Variants in WDR86 observed in about 807,000 individuals in gnomAD.
WDR86 encodes WD repeat-containing protein 86.
A neutral mutation model predicts 36.5 loss-of-function variants in WDR86; 30 were observed. The observed-to-expected ratio is 0.82, with a 90% CI of 0.61 to 1.11. The LOEUF is 1.11. Ranked by LOEUF, WDR86 falls within the 50% of genes most tolerant of loss-of-function variation. WDR86 has a pLI of 0.00. For synonymous variants in WDR86, 255 were observed against 252.9 expected (o/e 1.01, Z -0.08); for missense variants, 545 against 561.2 (o/e 0.97, Z 0.29).
rs1028727115 is a variant in WDR86 at position 151,409,726 on chromosome 7, G to A, written c.-137C>T. On this transcript the variant is annotated 5_prime_UTR_variant, in exon 1 of 6. Coordinates refer to ENST00000334493, the MANE Select transcript of WDR86 (RefSeq NM_198285.3). The surrounding 1 kb of genome is among the most constrained non-coding windows in gnomAD (Gnocchi z 5.2). The stretch of plus-strand genomic sequence containing the variant: ...GGGAGCCCGACTCCTGCGGAGGCAC[G>A]CGGCGAGGGGAGGGTGAAGGACCCT... The A allele has an allele frequency of 7.7e-7, 1 of 1,298,664 alleles. No individual in the cohort carries two copies. Among genetic ancestry groups the A allele is most frequent in the African/African-American group, 1.6e-5 (1 of 64,422 alleles). 80.4% of individuals were successfully genotyped at this position (1,298,664 alleles called of 1,614,324 possible).
At chr7:151,403,186 A>AC (rs546213217) in intron 1 of WDR86, among the ~76,000 whole-genome samples, 3 of 151,772 alleles carry the variant, frequency 2.0e-5, no homozygotes, top group African/African-American at 7.3e-5. Context: ...GCCTTGTGGA[A>AC]TTTTTTTTCC....
In WDR86 at chr7:151,381,882, A is replaced by G; in HGVS notation, c.962T>C (p.Ile321Thr). The change falls in exon 5 of 6, where the codon ATC becomes ACC. Residue 321 changes from isoleucine (I) to threonine (T), a missense_variant. Coordinates refer to ENST00000334493, the MANE Select transcript of WDR86 (RefSeq NM_198285.3). This position sits in a 1 kb window ranked among gnomAD's most constrained non-coding sequence, Gnocchi z 4.8. ...FRGHTFIINC[I>T]QVHGQVLYTA... is the part of the protein sequence containing the mutation. ...GAGAAGGGCAGAGGGACCTACCTGGATGCAGTTGATGATGAATGTGTGGCC... is the reference window on the plus strand; with the variant it reads ...GAGAAGGGCAGAGGGACCTACCTGGGTGCAGTTGATGATGAATGTGTGGCC... The G allele has an allele frequency of 6.2e-7, 1 of 1,608,076 alleles. No individual in the cohort carries two copies. Among genetic ancestry groups the G allele is most frequent in the Non-Finnish European group, 8.5e-7 (1 of 1,177,936 alleles).
At chr7:151,404,606 G>A (rs1800577897) in intron 1 of WDR86, among the ~76,000 whole-genome samples, 1 of 152,234 alleles carries the variant, frequency 6.6e-6, no homozygotes, top group Admixed American at 6.5e-5. Flanking sequence ...GGGAAGGCAT[G>A]GGGGTGGGCT....
downstream of WDR86, among the ~76,000 whole-genome samples, chr7:151,378,950 T>C (rs1347933964): frequency 6.6e-6 from 1 of 152,210 alleles, no homozygotes; most frequent in African/African-American, 2.4e-5. Flanking sequence ...GGGCATGCGC[T>C]ATGTCCAGAA....
At chr7:151,404,528 C>T (rs1013644636) in intron 1 of WDR86, among the ~76,000 whole-genome samples, 5 of 152,292 alleles carry the variant, frequency 3.3e-5, no homozygotes, top group South Asian at 4.1e-4. Flanking sequence ...GGGGAGGAGG[C>T]GGAACCAGGC....
At chr7:151,400,791 C>T (rs747846839) in intron 1 of WDR86, among the ~76,000 whole-genome samples, 8 of 152,326 alleles carry the variant, frequency 5.3e-5, no homozygotes, top group Non-Finnish European at 8.8e-5. Context: ...GTCCTCAGGA[C>T]GCAGCAACCA....
Position 151,402,071 on chromosome 7 carries a change from ATATAT to A in WDR86, c.164-1835_164-1831del, listed in dbSNP as rs1452488779. Among the ~76,000 whole-genome samples the A allele has an allele frequency of 5.6e-3, 254 of 45,444 alleles. 2 individuals are homozygous for A. Among genetic ancestry groups the A allele is most frequent in the African/African-American group, 0.015 (123 of 8,074 alleles). 29.8% of individuals were successfully genotyped at this position (45,444 alleles called of 152,430 possible). A position where few individuals can be genotyped will look rare whatever the true frequency, so the allele number is the denominator to read the frequency against. On this transcript the variant is annotated intron_variant, in intron 1 of 5. Coordinates refer to ENST00000334493, the MANE Select transcript of WDR86 (RefSeq NM_198285.3). ...TCAAAAAAAAAAAAAAAAAAAAAAA[ATATAT>A]ATATATATATATATATCTCCACAAA...
rs1186656500 is a variant in WDR86 at position 151,385,192 on chromosome 7, G to A, written c.758C>T (p.Ala253Val). The change falls in exon 4 of 6, where the codon GCG becomes GTG. Residue 253 changes from alanine to valine, a missense_variant. By Grantham distance (64) the Ala-to-Val change is moderately conservative. Transcript: ENST00000334493. ...LVNRLVYSGS[A>V]DRTVKCWLAD... ...CAGCCAGCACTTGACGGTCCTGTCCGCGCTGCCAGAGTACACGAGTCGGTT... is the reference window on the plus strand; with the variant it reads ...CAGCCAGCACTTGACGGTCCTGTCCACGCTGCCAGAGTACACGAGTCGGTT... 7 of 1,612,836 alleles carry A rather than the reference G, an allele frequency of 4.3e-6. No homozygotes were observed. Among genetic ancestry groups the A allele is most frequent in the South Asian group, 1.1e-5 (1 of 91,072 alleles).
chr7:151,399,189 C>T (rs762555794), intron 2 of WDR86, among the ~76,000 whole-genome samples: 1 of 152,228 alleles, frequency 6.6e-6, no homozygotes, highest in African/African-American at 2.4e-5. Context: ...TCACCCAGCT[C>T]CCCGTCCATC....
chr7:151,387,325 C>A (rs140933728), intron 3 of WDR86, among the ~76,000 whole-genome samples: 1 of 152,100 alleles, frequency 6.6e-6, no homozygotes, highest in Non-Finnish European at 1.5e-5. Context: ...CCCTGGCAGC[C>A]GGCCCTCACC....
At chr7:151,399,575 C>G (rs1270410555) in intron 2 of WDR86, among the ~76,000 whole-genome samples, 1 of 152,262 alleles carries the variant, frequency 6.6e-6, no homozygotes, top group Non-Finnish European at 1.5e-5. Flanking sequence ...TTCCATTGCT[C>G]AGCTCAGACC....
Position 151,381,934 on chromosome 7 carries a change from A to C in WDR86, c.910T>G (p.Ser304Ala). 2 of 1,609,996 alleles carry C rather than the reference A, an allele frequency of 1.2e-6. No individual in the cohort carries two copies. Among genetic ancestry groups the C allele is most frequent in the Non-Finnish European group, 1.7e-6 (2 of 1,178,710 alleles). Residue 304 changes from serine to alanine, a missense_variant, in exon 5 of 6, where the codon TCT becomes GCT. By Grantham distance (99) the Ser-to-Ala change is moderately conservative (BLOSUM62 1). Transcript: ENST00000334493. This position sits in a 1 kb window ranked among gnomAD's most constrained non-coding sequence, Gnocchi z 4.8. Reference sequence around the variant, plus strand: ...CGGAACACCCTCCGCAGCTCTCCAGACTGCGCGTCGAAGGCCCGGGCGCAA... The same window carrying C: ...CGGAACACCCTCCGCAGCTCTCCAGCCTGCGCGTCGAAGGCCCGGGCGCAA... ...DACARAFDAQSGELRRVFRGH... is the reference protein window; with the variant it reads ...DACARAFDAQAGELRRVFRGH...
chr7:151,376,964 C>T (rs1798320294), downstream of WDR86: 9 of 1,417,590 alleles, frequency 6.3e-6, no homozygotes, highest in Admixed American at 5.1e-5. Context: ...GCAAGAGGCA[C>T]AGTCTGAGGT....
chr7:151,384,167 A>T (rs1798807313), intron 4 of WDR86, among the ~76,000 whole-genome samples: 1 of 152,164 alleles, frequency 6.6e-6, no homozygotes, highest in Admixed American at 6.5e-5. Flanking sequence ...TCCCCAACCC[A>T]GTCTCCTCCC....
At chr7:151,377,317 G>T, downstream of WDR86, 279 of 709,714 alleles carry the variant, frequency 3.9e-4, no homozygotes, top group Middle Eastern at 9.5e-4. Flanking sequence ...CTTTTTATCT[G>T]AATTACAAGT....
chr7:151,394,862 G>C (rs1799696196), intron 3 of WDR86, among the ~76,000 whole-genome samples: 1 of 152,230 alleles, frequency 6.6e-6, no homozygotes, highest in Admixed American at 6.5e-5. Flanking sequence ...CCAGGCACCG[G>C]GATGTTCGAA....
intron 1 of WDR86, among the ~76,000 whole-genome samples, chr7:151,407,962 A>AC (rs1212266089): frequency 6.6e-6 from 1 of 152,006 alleles, no homozygotes; most frequent in Non-Finnish European, 1.5e-5. Context: ...TACCCCCAAG[A>AC]CAGTCTTATG....
chr7:151,374,081 T>C (rs1358475115), downstream of WDR86: 1 of 1,548,128 alleles, frequency 6.5e-7, no homozygotes, highest in Non-Finnish European at 8.7e-7. Flanking sequence ...GATGGGACTT[T>C]GCTGTTTTCC....
chr7:151,375,159 C>T (rs1048441937), downstream of WDR86, among the ~76,000 whole-genome samples: 7 of 152,234 alleles, frequency 4.6e-5, no homozygotes, highest in East Asian at 7.7e-4. Flanking sequence ...CCCTGTTCCC[C>T]GGAAGGCTCC....
Sources: gnomAD v4.1 joint callset for allele counts (sites outside exome capture counted in the v4.1 genomes callset) on GRCh38, gnomAD v4.1.1 for gene constraint, Gnocchi (gnomAD v3.1) non-coding constraint, MANE v1.5 for transcripts, NCBI Gene and HGNC (gene_info 2026-07-23, HGNC 2026-07-21) for gene names.